ZNF438: variants seen among roughly 807,000 people sequenced by gnomAD.
ZNF438 encodes zinc finger protein 438.
A neutral mutation model predicts 38.0 loss-of-function variants in ZNF438; 25 were observed. The observed-to-expected ratio is 0.66, with a 90% CI of 0.48 to 0.92. The LOEUF (loss-of-function observed/expected upper bound fraction) is 0.92, where lower values mean the gene tolerates loss of function less well. Ranked by LOEUF, ZNF438 falls within the 40% of genes least tolerant of loss-of-function variation. The pLI is 0.00. For synonymous variants in ZNF438, 372 were observed against 364.1 expected (o/e 1.02, Z -0.25); for missense variants, 1,007 against 999.6 (o/e 1.01, Z -0.10).
At chr10:30,864,386 C>G (rs923366829) in intron 4 of ZNF438, among the ~76,000 whole-genome samples, 1 of 152,188 alleles carries the variant, frequency 6.6e-6, no homozygotes, top group Non-Finnish European at 1.5e-5. Flanking sequence ...AGCTCCCCAG[C>G]TCTCAGGGAG....
intron 3 of ZNF438, among the ~76,000 whole-genome samples, chr10:30,877,470 AT>A (rs2038602585): frequency 6.6e-6 from 1 of 152,248 alleles, no homozygotes; most frequent in East Asian, 1.9e-4. Flanking sequence ...TTGATGAAAT[AT>A]AACTCAGTCA....
rs571692960 is a variant in ZNF438 at position 30,859,256 on chromosome 10, AT to A, written c.38-8890del. ...ACCAACATGCTGGGCTAATTTTTGTATTTTTTTATATATTGTTTTGCCATAT... is the reference window on the plus strand; with the variant it reads ...ACCAACATGCTGGGCTAATTTTTGTATTTTTTATATATTGTTTTGCCATAT... On this transcript the variant is annotated intron_variant, in intron 4 of 5. Transcript: ENST00000413025. Among the ~76,000 whole-genome samples the A allele has an allele frequency of 3.6e-4, 55 of 152,012 alleles. 1 individual carries two copies. In the South Asian group the frequency reaches 0.011, roughly 30 times the overall value.
chr10:30,949,654 C>T (rs1001607498), intron 1 of ZNF438, among the ~76,000 whole-genome samples: 1 of 151,666 alleles, frequency 6.6e-6, no homozygotes, highest in African/African-American at 2.4e-5. Flanking sequence ...GAGACAAGGC[C>T]ATTACATAAT....
intron 3 of ZNF438, among the ~76,000 whole-genome samples, chr10:30,891,396 A>G (rs1364488209): frequency 4.7e-5 from 7 of 149,652 alleles, no homozygotes; most frequent in Non-Finnish European, 1.0e-4. Flanking sequence ...TGTGATTTTT[A>G]AAATTTGAAG....
chr10:30,890,786 C>A (rs1334091117), intron 3 of ZNF438, among the ~76,000 whole-genome samples: 2 of 152,222 alleles, frequency 1.3e-5, no homozygotes, highest in Admixed American at 1.3e-4. Flanking sequence ...AGAGTTGATT[C>A]TTCCAGCATT....
intron 1 of ZNF438, among the ~76,000 whole-genome samples, chr10:30,942,532 G>T (rs1441407404): frequency 1.3e-5 from 2 of 152,196 alleles, no homozygotes; most frequent in African/African-American, 4.8e-5. Context: ...AAACAATTAT[G>T]CAAGACTGAG....
intron 1 of ZNF438, among the ~76,000 whole-genome samples, chr10:30,950,271 C>A (rs1043326106): frequency 6.6e-6 from 1 of 151,960 alleles, no homozygotes; most frequent in African/African-American, 2.4e-5. Context: ...AAATTTATAG[C>A]ACTAAATGCC....
intron 1 of ZNF438, among the ~76,000 whole-genome samples, chr10:30,954,412 C>T (rs1032998598): frequency 6.6e-6 from 1 of 152,158 alleles, no homozygotes; most frequent in African/African-American, 2.4e-5. Context: ...ACTATTAAGG[C>T]TTGGGGCCTA....
chr10:31,018,766 C>T (rs1000358291), intron 1 of ZNF438, among the ~76,000 whole-genome samples: 1 of 152,166 alleles, frequency 6.6e-6, no homozygotes, highest in African/African-American at 2.4e-5. Flanking sequence ...GTAATTGGTT[C>T]TGTTCCACAA....
intron 1 of ZNF438, among the ~76,000 whole-genome samples, chr10:30,977,643 G>T (rs1178020984): frequency 6.6e-6 from 1 of 152,130 alleles, no homozygotes; most frequent in Admixed American, 6.5e-5. Context: ...TTCTAGATAG[G>T]GAGCCATGTG....
At chr10:30,988,725 C>T (rs1017867772) in intron 1 of ZNF438, among the ~76,000 whole-genome samples, 2 of 151,728 alleles carry the variant, frequency 1.3e-5, no homozygotes, top group African/African-American at 4.9e-5. Context: ...TTTATAGGTT[C>T]GCCAATATGA....
intron 4 of ZNF438, among the ~76,000 whole-genome samples, chr10:30,854,519 T>G (rs1478161403): frequency 2.0e-5 from 3 of 152,104 alleles, no homozygotes; most frequent in Admixed American, 6.5e-5. Flanking sequence ...CCTTGGAAAT[T>G]TTGTAAACAG....
chr10:30,876,336 G>A (rs918871589), intron 4 of ZNF438, among the ~76,000 whole-genome samples: 6 of 152,138 alleles, frequency 3.9e-5, no homozygotes, highest in Non-Finnish European at 8.8e-5. Context: ...ATGGGGCAGG[G>A]AAAGACTGGT....
At chr10:31,014,766 T>TAA (rs1478399566) in intron 1 of ZNF438, among the ~76,000 whole-genome samples, 4 of 152,186 alleles carry the variant, frequency 2.6e-5, no homozygotes, top group Non-Finnish European at 5.9e-5. Context: ...GATAAACGCT[T>TAA]AAAACAGTGC....
intron 2 of ZNF438, among the ~76,000 whole-genome samples, chr10:30,917,397 G>A (rs2043771366): frequency 6.6e-6 from 1 of 151,930 alleles, no homozygotes; most frequent in Non-Finnish European, 1.5e-5. Flanking sequence ...TGAATCATTG[G>A]GTAAGTGTAT....
At chr10:30,845,178 C>T in exon 6 of ZNF438, 1 of 1,614,168 alleles carries the variant, frequency 6.2e-7, no homozygotes, top group South Asian at 1.1e-5. Flanking sequence ...AGGGCCCTGG[C>T]AGGTTTCCCT....
Position 30,848,438 on chromosome 10 carries a change from T to G in ZNF438, c.1874+93A>C, listed in dbSNP as rs1588722027. On this transcript the variant is annotated intron_variant, in intron 5 of 5. Transcript: ENST00000413025. ...TATGAAATCTTAATCCTAGAGATGT[T>G]TTATAAACTCTCCTTTCTGAATATG... 11 of 1,440,198 alleles carry G rather than the reference T, an allele frequency of 7.6e-6. No homozygotes were observed. In the East Asian group the frequency reaches 2.5e-4, roughly 33 times the overall value. The allele number at this position is 1,440,198 out of a possible 1,614,324, so 89.2% of individuals were successfully genotyped here.
chr10:31,009,347 T>C (rs2055441496), intron 1 of ZNF438, among the ~76,000 whole-genome samples: 2 of 152,160 alleles, frequency 1.3e-5, no homozygotes, highest in African/African-American at 4.8e-5. Flanking sequence ...TGCCTCTGCT[T>C]CCATTAATTT....
intron 1 of ZNF438, among the ~76,000 whole-genome samples, chr10:30,983,723 T>G (rs2052475604): frequency 6.6e-6 from 1 of 151,394 alleles, no homozygotes; most frequent in Non-Finnish European, 1.5e-5. Flanking sequence ...TTCAAATTAT[T>G]TTTTTTATTT....
Sources: allele counts gnomAD v4.1 joint callset (sites outside exome capture counted in the v4.1 genomes callset), GRCh38; gene constraint gnomAD v4.1.1; transcripts MANE v1.5; gene names NCBI Gene and HGNC (gene_info 2026-07-23, HGNC 2026-07-21).